SLCO3A1: variants seen among roughly 807,000 people sequenced by gnomAD.
The protein encoded by SLCO3A1 is PGE1 transporter.
In SLCO3A1, 27 loss-of-function variants were observed where a neutral mutation model predicts 63.1. The ratio of observed to expected loss-of-function variants is 0.43; its 90% CI spans 0.32 to 0.59. The LOEUF (loss-of-function observed/expected upper bound fraction) is 0.59, where lower values mean the gene tolerates loss of function less well. SLCO3A1 is among the 20% of genes least tolerant of loss of function. The pLI is 0.09. For synonymous variants in SLCO3A1, 473 were observed against 409.9 expected (o/e 1.15, Z -1.86); for missense variants, 773 against 945.8 (o/e 0.82, Z 2.40).
chr15:92,160,514 CCACAGCCCAACCTGGCAGCTGGAAAGA>C (rs1317173963), intron 9 of SLCO3A1, among the ~76,000 whole-genome samples: 4 of 152,072 alleles, frequency 2.6e-5, no homozygotes, highest in African/African-American at 9.7e-5. Context: ...TTCGGCAGGA[CCACAGCCCAACCTGGCAGCTGGAAAGA>C]AGGAAACAGG....
At chr15:92,169,695 C>A (rs2048511420), downstream of SLCO3A1, among the ~76,000 whole-genome samples, 1 of 152,232 alleles carries the variant, frequency 6.6e-6, no homozygotes. Flanking sequence ...CCATGCCTGG[C>A]ACCCCTGTAG....
In SLCO3A1 at chr15:91,883,046, C is replaced by T. The variant is rs1446709444; in HGVS notation, c.180+28958C>T. ...CCAGGCAGGCGCCATCCACTGTAAACAGAGAGGAGAATGGTGAGGACTTGG... is the reference window on the plus strand; with the variant it reads ...CCAGGCAGGCGCCATCCACTGTAAATAGAGAGGAGAATGGTGAGGACTTGG... On this transcript the variant is annotated intron_variant, in intron 1 of 9. Coordinates refer to ENST00000318445, the MANE Select transcript of SLCO3A1 (RefSeq NM_013272.4). This position sits in a 1 kb window ranked among gnomAD's most constrained non-coding sequence, Gnocchi z 4.8. Among the ~76,000 whole-genome samples, 1 of 152,224 alleles carries T rather than the reference C, an allele frequency of 6.6e-6. No homozygotes were observed. The highest frequency in any genetic ancestry group is 6.5e-5 in the Admixed American group (1 of 15,290).
chr15:92,049,540 G>C (rs980910747), intron 2 of SLCO3A1, among the ~76,000 whole-genome samples: 2 of 152,132 alleles, frequency 1.3e-5, no homozygotes, highest in African/African-American at 2.4e-5. Context: ...CCAGTGCCTA[G>C]GCCACAGCAT....
At chr15:91,888,249 G>C (rs546823312) in intron 1 of SLCO3A1, among the ~76,000 whole-genome samples, 8 of 152,240 alleles carry the variant, frequency 5.3e-5, no homozygotes, top group Non-Finnish European at 1.0e-4. Flanking sequence ...TCAGAGATGG[G>C]GTTGGCAGTG....
At chr15:92,135,260 T>G (rs1028109851) in intron 7 of SLCO3A1, among the ~76,000 whole-genome samples, 3 of 152,184 alleles carry the variant, frequency 2.0e-5, no homozygotes, top group Non-Finnish European at 4.4e-5. Flanking sequence ...CTATGTTAGA[T>G]AGCTGGAGCA....
chr15:91,987,731 G>A (rs1402578119), intron 2 of SLCO3A1, among the ~76,000 whole-genome samples: 6 of 135,446 alleles, frequency 4.4e-5, no homozygotes, highest in Admixed American at 1.5e-4. Context: ...GCGACAGAGC[G>A]AGACTTTGTC....
intron 2 of SLCO3A1, among the ~76,000 whole-genome samples, chr15:92,030,215 T>C (rs979445483): frequency 2.0e-5 from 3 of 152,262 alleles, no homozygotes; most frequent in Non-Finnish European, 4.4e-5. Context: ...AAGCTACGTG[T>C]TAGACACAGT....
In SLCO3A1 at chr15:92,033,022, G is replaced by A. The variant is rs1468872209; in HGVS notation, c.647-61859G>A. 1.3e-5 allele frequency among the ~76,000 whole-genome samples: 2 copies of A among 152,150 alleles called. No individual in the cohort carries two copies. Among genetic ancestry groups the A allele is most frequent in the Non-Finnish European group, 2.9e-5 (2 of 68,026 alleles). ...CATGTCAGTGGATTTAGCTGGTAGT[G>A]TGGGATGTGGGTTTAGCACTTAGAG... On this transcript the variant is annotated intron_variant, in intron 2 of 9. Transcript: ENST00000318445. The surrounding 1 kb of genome is among the most constrained non-coding windows in gnomAD (Gnocchi z 4.5).
At chr15:92,029,875 A>G (rs1485731232) in intron 2 of SLCO3A1, among the ~76,000 whole-genome samples, 1 of 144,210 alleles carries the variant, frequency 6.9e-6, no homozygotes, top group African/African-American at 2.6e-5. Context: ...CTATGATTCA[A>G]TCAGGCACCT....
Position 91,942,460 on chromosome 15 carries a change from C to A in SLCO3A1, c.646+26002C>A, listed in dbSNP as rs886443348. Among the ~76,000 whole-genome samples the A allele has an allele frequency of 6.6e-6, 1 of 152,212 alleles. No individual in the cohort carries two copies. Among genetic ancestry groups the A allele is most frequent in the African/African-American group, 2.4e-5 (1 of 41,450 alleles). ...AACTGCAGGGGGCACCATGTAGAGA[C>A]CGTAGTTGGATGTGGCCTGGAGTTG... is the stretch of plus-strand genomic sequence containing the variant. On this transcript the variant is annotated intron_variant, in intron 2 of 9. Transcript: ENST00000318445. This position sits in a 1 kb window ranked among gnomAD's most constrained non-coding sequence, Gnocchi z 4.1.
intron 1 of SLCO3A1, among the ~76,000 whole-genome samples, chr15:91,906,331 C>T (rs539959139): frequency 5.9e-5 from 9 of 152,194 alleles, no homozygotes; most frequent in African/African-American, 1.9e-4. Flanking sequence ...TAGAGAGAAA[C>T]TTTATTCATC....
chr15:92,108,081 A>G (rs2015808), intron 4 of SLCO3A1, among the ~76,000 whole-genome samples: 56,678 of 152,122 alleles, frequency 0.37, 11,608 homozygotes, highest in East Asian at 0.55. Context: ...ACAGTCAGCC[A>G]TCAATTGGGT....
At chr15:91,915,146 C>T (rs1389135745) in intron 1 of SLCO3A1, among the ~76,000 whole-genome samples, 2 of 152,158 alleles carry the variant, frequency 1.3e-5, no homozygotes, top group Admixed American at 6.5e-5. Context: ...CACATCTCAC[C>T]TCCAGTCCCT....
intron 2 of SLCO3A1, among the ~76,000 whole-genome samples, chr15:91,965,226 C>T (rs1900613968): frequency 6.6e-6 from 1 of 152,178 alleles, no homozygotes; most frequent in South Asian, 2.1e-4. Context: ...ATGCAGACCC[C>T]TCTCCCACCA....
chr15:92,167,164 C>A (rs775327843), downstream of SLCO3A1, among the ~76,000 whole-genome samples: 1 of 152,192 alleles, frequency 6.6e-6, no homozygotes, highest in African/African-American at 2.4e-5. Flanking sequence ...GAATACTTCC[C>A]GCTGCCTGGT....
chr15:92,082,895 T>C (rs1286333567), intron 2 of SLCO3A1, among the ~76,000 whole-genome samples: 1 of 152,228 alleles, frequency 6.6e-6, no homozygotes, highest in African/African-American at 2.4e-5. Context: ...ATGTACAAGC[T>C]GTGTGACCTT....
At chr15:91,984,694 A>G (rs2046028638) in intron 2 of SLCO3A1, among the ~76,000 whole-genome samples, 1 of 152,240 alleles carries the variant, frequency 6.6e-6, no homozygotes, top group Non-Finnish European at 1.5e-5. Context: ...ATCGGCTGAT[A>G]TCTCAAGACA....
intron 2 of SLCO3A1, among the ~76,000 whole-genome samples, chr15:92,047,599 TA>T (rs370262394): frequency 0.027 from 447 of 16,608 alleles, 4 homozygotes; most frequent in Middle Eastern, 0.05. Flanking sequence ...ATATAATATA[TA>T]ATATATATAT....
At chr15:92,153,371 C>A (rs2048331795) in intron 9 of SLCO3A1, 1 of 152,110 alleles carries the variant, frequency 6.6e-6, no homozygotes, top group South Asian at 2.1e-4. Flanking sequence ...TTTTATTGCC[C>A]CTTATGAGTC....
Sources: allele counts gnomAD v4.1 joint callset (sites outside exome capture counted in the v4.1 genomes callset), GRCh38; gene constraint gnomAD v4.1.1; non-coding constraint Gnocchi (gnomAD v3.1); transcripts MANE v1.5; gene names NCBI Gene and HGNC (gene_info 2026-07-23, HGNC 2026-07-21).